The following GLB1 variants were observed in gnomAD, a reference collection of about 807,000 sequenced individuals.
The protein encoded by GLB1 is galactosidase beta 1, also known as beta-galactosidase.
GLB1 carries 56 observed loss-of-function variants against 74.0 expected under a neutral mutation model. The ratio of observed to expected loss-of-function variants is 0.76; its 90% CI spans 0.61 to 0.94. GLB1 has a LOEUF of 0.94. Among genes scored for constraint, GLB1 ranks in the 40% least tolerant of loss-of-function variants. The pLI is 0.00. For synonymous variants in GLB1, 323 were observed against 323.6 expected, an observed-to-expected ratio of 1.00 and a Z score of 0.02; for missense variants, 787 against 845.5, an observed-to-expected ratio of 0.93 and a Z score of 0.86.
At chr3:33,078,266 G>A (rs561128584) in intron 1 of GLB1, among the ~76,000 whole-genome samples, 5 of 152,026 alleles carry the variant, frequency 3.3e-5, no homozygotes, top group Non-Finnish European at 7.4e-5. Context: ...AATGCAGAAG[G>A]AATAAAAGCA....
chr3:33,005,163 T>A (rs1696737076), intron 15 of GLB1, among the ~76,000 whole-genome samples: 1 of 151,870 alleles, frequency 6.6e-6, no homozygotes, highest in Non-Finnish European at 1.5e-5. Flanking sequence ...AGGGGCTCCA[T>A]CCTAAGTCGC....
At chr3:33,016,266 G>A (rs1003222359) in intron 14 of GLB1, among the ~76,000 whole-genome samples, 1 of 152,150 alleles carries the variant, frequency 6.6e-6, no homozygotes, top group Non-Finnish European at 1.5e-5. Flanking sequence ...CTTTCTATAG[G>A]ATGACCAAAC....
intron 1 of GLB1, chr3:33,091,598 G>A (rs1700764718): frequency 1.1e-5 from 11 of 984,414 alleles, no homozygotes; most frequent in African/African-American, 1.7e-5. Flanking sequence ...CATGCACAAG[G>A]CTTGATGGAT....
At chr3:33,080,888 T>C (rs116648573) in intron 1 of GLB1, among the ~76,000 whole-genome samples, 122 of 152,302 alleles carry the variant, frequency 8.0e-4, no homozygotes, top group African/African-American at 2.9e-3. Flanking sequence ...CTGCACCTTG[T>C]TGTCTCATGA....
chr3:32,992,571 A>G (rs575480507), downstream of GLB1, among the ~76,000 whole-genome samples: 8 of 152,346 alleles, frequency 5.3e-5, no homozygotes, highest in Admixed American at 2.6e-4. Flanking sequence ...ATTTAGGAGA[A>G]TAAGAAATTT....
chr3:33,032,803 G>A (rs1698107476), intron 10 of GLB1, among the ~76,000 whole-genome samples: 1 of 152,198 alleles, frequency 6.6e-6, no homozygotes. Flanking sequence ...TACCATGGCA[G>A]CTGCATCCAG....
intron 1 of GLB1, chr3:33,096,575 C>G (rs1051948167): frequency 1.8e-5 from 19 of 1,029,840 alleles, no homozygotes; most frequent in Non-Finnish European, 2.2e-5. Context: ...CCTCTCCTGA[C>G]CCCATTTTTC....
chr3:33,017,715 C>G (rs531824408), intron 13 of GLB1, among the ~76,000 whole-genome samples: 4 of 152,262 alleles, frequency 2.6e-5, no homozygotes, highest in African/African-American at 9.6e-5. Context: ...AATATAATTT[C>G]TCATGTAGGA....
chr3:33,052,963 C>G (rs56142034), intron 7 of GLB1, among the ~76,000 whole-genome samples: 8,612 of 152,268 alleles, frequency 0.057, 428 homozygotes, highest in East Asian at 0.24. Flanking sequence ...GTGGGGCAGT[C>G]TGACCTAGTG....
chr3:33,092,482 T>G, intron 1 of GLB1: 1 of 1,052,562 alleles, frequency 9.5e-7, no homozygotes, highest in Non-Finnish European at 1.1e-6. Flanking sequence ...CGCCCCACCT[T>G]CTAGAGGTAT....
At chr3:33,016,426 AG>A (rs1170211466) in intron 14 of GLB1, among the ~76,000 whole-genome samples, 3 of 152,156 alleles carry the variant, frequency 2.0e-5, no homozygotes, top group Admixed American at 6.5e-5. Flanking sequence ...GCATGATCAT[AG>A]GTCATTTTAA....
rs559483946 is a variant in GLB1, at chr3:33,034,248, T to A, written c.1069-9923A>T. On this transcript the variant is annotated intron_variant, in intron 10 of 15. Transcript: ENST00000307363. ...GCCTGTAGGAGCTCAGATGGGGCCA[T>A]CTTCCTGCTGACTTATACAGGGGAA... The A allele has an allele frequency of 8.9e-6, 6 of 676,118 alleles. No individual in the cohort carries two copies. In the South Asian group the frequency reaches 9.6e-5, roughly 11 times the overall value. The allele number at this position is 676,118 out of a possible 1,614,324, so 41.9% of individuals were successfully genotyped here.
chr3:33,016,632 G>A (rs1697245479), intron 14 of GLB1, 77 bp downstream of exon 14: 1 of 1,599,688 alleles, frequency 6.3e-7, no homozygotes, highest in Admixed American at 1.7e-5. Flanking sequence ...GATTACAGGT[G>A]TGAGCCACTG....
In GLB1 at chr3:33,035,264, G is replaced by A. The variant is rs551732169; in HGVS notation, c.1068+10856C>T. Among the ~76,000 whole-genome samples the A allele has an allele frequency of 9.2e-5, 14 of 151,966 alleles. No individual in the cohort carries two copies. In the East Asian group the frequency reaches 1.5e-3, roughly 17 times the overall value. On this transcript the variant is annotated intron_variant, in intron 10 of 15. Coordinates refer to ENST00000307363, the MANE Select transcript of GLB1 (RefSeq NM_000404.4). ...CCGGGCAACATAGGGAGACTCCATC[G>A]CTACAAAAAAATTAAAAATTAGACA...
intron 1 of GLB1, chr3:33,094,193 C>T (rs758328740): frequency 1.9e-5 from 31 of 1,596,278 alleles, no homozygotes; most frequent in South Asian, 1.8e-4. Flanking sequence ...TGAAGATGGC[C>T]ATTTTCTCTG....
intron 6 of GLB1, among the ~76,000 whole-genome samples, chr3:33,056,398 T>A (rs1047101005): frequency 5.9e-5 from 9 of 151,600 alleles, no homozygotes; most frequent in African/African-American, 2.2e-4. Context: ...AAGGAACTGG[T>A]CTTTTTTGTG....
chr3:32,973,374 C>T, the GLB1 span, among the ~76,000 whole-genome samples: 1 of 151,970 alleles, frequency 6.6e-6, no homozygotes, highest in Non-Finnish European at 1.5e-5. Flanking sequence ...CACTTTGTTG[C>T]CCAGGCTGGT....
At chr3:33,030,394 G>T in intron 10 of GLB1, 1 of 667,290 alleles carries the variant, frequency 1.5e-6, no homozygotes, top group Non-Finnish European at 1.9e-6. Context: ...GAAGAGACCA[G>T]TACTACAAGA....
intron 10 of GLB1, among the ~76,000 whole-genome samples, chr3:33,031,760 T>C (rs1465223141): frequency 6.8e-6 from 1 of 147,342 alleles, no homozygotes; most frequent in East Asian, 2.0e-4. Flanking sequence ...TAAGCTGCAA[T>C]CTATCATAAG....
Sources: allele counts gnomAD v4.1 joint callset (sites outside exome capture counted in the v4.1 genomes callset), GRCh38; gene constraint gnomAD v4.1.1; transcripts MANE v1.5; gene names NCBI Gene and HGNC (gene_info 2026-07-23, HGNC 2026-07-21).